The following SERAC1 variants were observed in gnomAD, a reference collection of about 807,000 sequenced individuals.
SERAC1 encodes protein SERAC1.
In SERAC1, 36 loss-of-function variants were observed where a neutral mutation model predicts 85.7. The ratio of observed to expected loss-of-function variants is 0.42; its 90% CI spans 0.32 to 0.55. The LOEUF (loss-of-function observed/expected upper bound fraction) is 0.55. Ranked by LOEUF, SERAC1 falls within the 20% of genes least tolerant of loss-of-function variation. The probability of loss-of-function intolerance (pLI) is 0.11; values close to 1 mark genes in which losing one functional copy is unlikely to be tolerated. For synonymous variants in SERAC1, 242 were observed against 265.3 expected (o/e 0.91, Z 0.85); for missense variants, 629 against 796.2 (o/e 0.79, Z 2.53).
intron 7 of SERAC1, among the ~76,000 whole-genome samples, chr6:158,144,066 T>TG (rs1450539778): frequency 9.2e-5 from 14 of 152,196 alleles, no homozygotes; most frequent in African/African-American, 3.4e-4. Context: ...TGTCACCCAA[T>TG]GGTTTATAGA....
At chr6:158,167,697 C>T (rs1785639208) in intron 1 of SERAC1, among the ~76,000 whole-genome samples, 1 of 152,046 alleles carries the variant, frequency 6.6e-6, no homozygotes. Context: ...ACTTTAGAAC[C>T]TTCTGGGGTC....
At chr6:158,113,233 A>C (rs1440128956) in intron 16 of SERAC1, 1 of 495,858 alleles carries the variant, frequency 2.0e-6, no homozygotes, top group Non-Finnish European at 3.5e-6. Context: ...CTTCTCATCT[A>C]ATCAGTTACA....
chr6:158,158,240 T>A, intron 2 of SERAC1, 33 bp downstream of exon 2: 1 of 1,490,908 alleles, frequency 6.7e-7, no homozygotes. Context: ...ACTGTTCCTA[T>A]AAGAAAATAA....
At chr6:158,132,992 C>G (rs1784711739) in intron 8 of SERAC1, among the ~76,000 whole-genome samples, 1 of 152,042 alleles carries the variant, frequency 6.6e-6, no homozygotes, top group South Asian at 2.1e-4. Flanking sequence ...TAGAGAATGA[C>G]AATATTAAAA....
chr6:158,110,071 G>C lies in SERAC1; in HGVS notation c.*1295C>G, dbSNP rs981753495. ...CCTGAAATTAAATAGCAATGATGTT[G>C]CACAACTCAGTGAACTATACTAAAA... On this transcript the variant is annotated 3_prime_UTR_variant, in exon 17 of 17. Coordinates refer to ENST00000647468, the MANE Select transcript of SERAC1 (RefSeq NM_032861.4). The C allele has an allele frequency of 6.6e-6, 1 of 152,156 alleles. No homozygotes were observed. The highest frequency in any genetic ancestry group is 2.4e-5 in the African/African-American group (1 of 41,420). The allele number at this position is 152,156 out of a possible 1,614,324, so 9.4% of individuals were successfully genotyped here. A position where few individuals can be genotyped will look rare whatever the true frequency, so the allele number is the denominator to read the frequency against.
At chr6:158,118,960 GC>G (rs1740738044) in intron 12 of SERAC1, 68 bp downstream of exon 12, 2 of 1,536,310 alleles carry the variant, frequency 1.3e-6, no homozygotes, top group Admixed American at 2.1e-5. Flanking sequence ...AGAAAAACAA[GC>G]AAGCCACAAT....
At chr6:158,128,087 C>T (rs2128415095) in intron 10 of SERAC1, 21 bp downstream of exon 10, 1 of 1,590,784 alleles carries the variant, frequency 6.3e-7, no homozygotes, top group South Asian at 1.1e-5. Context: ...GTAAAAAATA[C>T]TCAGTATATA....
At chr6:158,154,376 T>C (rs1785277349) in intron 3 of SERAC1, among the ~76,000 whole-genome samples, 1 of 152,186 alleles carries the variant, frequency 6.6e-6, no homozygotes, top group Non-Finnish European at 1.5e-5. Flanking sequence ...TATACATTTA[T>C]GCTTTGCCCA....
chr6:158,167,767 T>C (rs997189014), intron 1 of SERAC1, among the ~76,000 whole-genome samples: 25 of 152,028 alleles, frequency 1.6e-4, no homozygotes, highest in Admixed American at 2.6e-4. Flanking sequence ...ATCTATTCCA[T>C]CTCTGGGGTT....
intron 3 of SERAC1, among the ~76,000 whole-genome samples, chr6:158,152,384 C>T (rs1432297803): frequency 2.0e-5 from 3 of 152,092 alleles, no homozygotes; most frequent in African/African-American, 4.8e-5. Context: ...GGCATGGTGG[C>T]GGGCGCCTGT....
At chr6:158,159,756 C>T (rs1180190742) in intron 1 of SERAC1, among the ~76,000 whole-genome samples, 2 of 151,860 alleles carry the variant, frequency 1.3e-5, no homozygotes, top group African/African-American at 2.4e-5. Context: ...TACCGAGCAG[C>T]TGGGACTACA....
intron 8 of SERAC1, among the ~76,000 whole-genome samples, chr6:158,139,238 C>T (rs191688850): frequency 6.6e-6 from 1 of 152,180 alleles, no homozygotes; most frequent in African/African-American, 2.4e-5. Flanking sequence ...TTGGGGTGCA[C>T]AGGTCACTAT....
intron 1 of SERAC1, chr6:158,160,828 C>T (rs1343272321): frequency 1.4e-5 from 2 of 147,674 alleles, no homozygotes; most frequent in African/African-American, 5.4e-5. Flanking sequence ...CCTATCTTGT[C>T]TAGTATTTTA....
At chr6:158,154,999 G>C (rs909596698) in intron 3 of SERAC1, among the ~76,000 whole-genome samples, 3 of 151,984 alleles carry the variant, frequency 2.0e-5, no homozygotes, top group Non-Finnish European at 4.4e-5. Flanking sequence ...TGCCGGAGCT[G>C]AGTGAGTGCC....
intron 1 of SERAC1, chr6:158,158,570 T>C: frequency 2.2e-6 from 1 of 456,022 alleles, no homozygotes; most frequent in Non-Finnish European, 3.9e-6. Flanking sequence ...GTTAGAATTT[T>C]CATTATTCTT....
intron 13 of SERAC1, chr6:158,116,488 T>C (rs1784293694): frequency 3.8e-6 from 2 of 521,088 alleles, no homozygotes; most frequent in East Asian, 3.4e-5. Flanking sequence ...TCCTCCCACC[T>C]CGGCCTCCCA....
intron 15 of SERAC1, among the ~76,000 whole-genome samples, chr6:158,114,279 T>C (rs938119546): frequency 7.2e-5 from 11 of 152,130 alleles, no homozygotes; most frequent in East Asian, 3.9e-4. Context: ...ATCAAGAGAT[T>C]CTCCATAAAG....
intron 13 of SERAC1, chr6:158,116,528 A>G (rs1784294711): frequency 4.6e-6 from 2 of 430,736 alleles, no homozygotes; most frequent in Non-Finnish European, 8.5e-6. Context: ...ATGAGCCACC[A>G]CGCCTGGGAT....
At chr6:158,163,026 C>T (rs35728263) in intron 1 of SERAC1, among the ~76,000 whole-genome samples, 18,971 of 152,074 alleles carry the variant, frequency 0.12, 1,317 homozygotes, top group Middle Eastern at 0.16. Flanking sequence ...AACCTGTGAC[C>T]AGCACCATGT....
Sources: allele counts gnomAD v4.1 joint callset (sites outside exome capture counted in the v4.1 genomes callset), GRCh38; gene constraint gnomAD v4.1.1; transcripts MANE v1.5; gene names NCBI Gene and HGNC (gene_info 2026-07-23, HGNC 2026-07-21).